WASHC3: variants seen among roughly 807,000 people sequenced by gnomAD.
The protein encoded by WASHC3 is WASH complex subunit CCDC53.
In WASHC3, 24 loss-of-function variants were observed where a neutral mutation model predicts 26.1. The ratio of observed to expected loss-of-function variants is 0.92; its 90% CI spans 0.66 to 1.29. The LOEUF (loss-of-function observed/expected upper bound fraction) is 1.29, where lower values mean the gene tolerates loss of function less well. WASHC3 is among the 50% of genes most tolerant of loss of function. The pLI, the probability that WASHC3 is intolerant of heterozygous loss-of-function variation, is 0.00. For synonymous variants in WASHC3, 77 were observed against 75.7 expected (o/e 1.02, Z -0.09); for missense variants, 214 against 229.6 (o/e 0.93, Z 0.44).
At chr12:102,059,474 G>C (rs1464576379) in intron 2 of WASHC3, among the ~76,000 whole-genome samples, 2 of 152,128 alleles carry the variant, frequency 1.3e-5, no homozygotes, top group African/African-American at 4.8e-5. Context: ...CAGAGAAGTT[G>C]AGACAGGAAC....
In WASHC3 at chr12:102,052,267, A is replaced by G. The variant is rs117528302; in HGVS notation, c.151-6148T>C. Among the ~76,000 whole-genome samples, 550 of 152,338 alleles carry G rather than the reference A, an allele frequency of 3.6e-3. 1 individual carries two copies. Among genetic ancestry groups the G allele is most frequent in the Non-Finnish European group, 6.6e-3 (448 of 68,020 alleles). Reference sequence around the variant, plus strand: ...CACAGCATGGAGAGAGATACCCTCCAGGTGGGCGAAGGAGAGGCAGTGAGC... The same window carrying G: ...CACAGCATGGAGAGAGATACCCTCCGGGTGGGCGAAGGAGAGGCAGTGAGC... On this transcript the variant is annotated intron_variant, in intron 2 of 6. Coordinates refer to ENST00000240079, the MANE Select transcript of WASHC3 (RefSeq NM_016053.4).
At chr12:102,050,097 G>A (rs1445683613) in intron 2 of WASHC3, 2 of 241,852 alleles carry the variant, frequency 8.3e-6, no homozygotes, top group African/African-American at 2.4e-5. Context: ...GCAGGCAGAT[G>A]AGCTCAGGAG....
intron 6 of WASHC3, among the ~76,000 whole-genome samples, chr12:102,023,218 T>G (rs1452747161): frequency 6.6e-6 from 1 of 152,146 alleles, no homozygotes; most frequent in Admixed American, 6.6e-5. Flanking sequence ...TGATTTAAAA[T>G]TATGTACTCT....
At position 102,052,689 on chromosome 12, in the gene WASHC3, T is replaced by C. The variant is rs181731926; in HGVS notation, c.151-6570A>G. Among the ~76,000 whole-genome samples, 12 of 151,946 alleles carry C rather than the reference T, an allele frequency of 7.9e-5. No individual in the cohort carries two copies. In the East Asian group the frequency reaches 2.1e-3, roughly 27 times the overall value. On this transcript the variant is annotated intron_variant, in intron 2 of 6. Transcript: ENST00000240079. The stretch of plus-strand genomic sequence containing the variant: ...CAGGCCTGACCAGTGCCAAGTCAGC[T>C]CCTGTGGCCCCAGTCTGGCTCCTGC...
At chr12:102,030,444 C>T (rs1488150733) in intron 5 of WASHC3, among the ~76,000 whole-genome samples, 1 of 151,790 alleles carries the variant, frequency 6.6e-6, no homozygotes, top group Non-Finnish European at 1.5e-5. Context: ...GCTCAATGAC[C>T]TTTTCTCCTC....
chr12:102,018,829 T>C (rs940725894), intron 6 of WASHC3, among the ~76,000 whole-genome samples: 22 of 152,186 alleles, frequency 1.4e-4, no homozygotes, highest in African/African-American at 5.3e-4. Context: ...TATTTATTTA[T>C]TTATTTAGTG....
chr12:102,020,061 G>A (rs1876885925), intron 6 of WASHC3, among the ~76,000 whole-genome samples: 1 of 152,222 alleles, frequency 6.6e-6, no homozygotes, highest in Non-Finnish European at 1.5e-5. Flanking sequence ...CTTGGAGAGA[G>A]AGAGAGATGG....
At chr12:102,053,946 G>A (rs1594371657) in intron 2 of WASHC3, among the ~76,000 whole-genome samples, 1 of 152,276 alleles carries the variant, frequency 6.6e-6, no homozygotes, top group South Asian at 2.1e-4. Context: ...AAAATCAAAA[G>A]CAAAATGTGG....
chr12:102,029,535 T>G, intron 5 of WASHC3, among the ~76,000 whole-genome samples: 1 of 152,238 alleles, frequency 6.6e-6, no homozygotes, highest in Non-Finnish European at 1.5e-5. Flanking sequence ...AATATTTACA[T>G]TTATTTCTTA....
chr12:102,036,841 T>G (rs970589280), intron 5 of WASHC3, among the ~76,000 whole-genome samples: 3 of 152,010 alleles, frequency 2.0e-5, no homozygotes, highest in Admixed American at 2.0e-4. Flanking sequence ...GCAGAAGAAA[T>G]TGAACCCCTA....
intron 6 of WASHC3, among the ~76,000 whole-genome samples, chr12:102,017,241 T>C (rs906795130): frequency 6.6e-6 from 1 of 152,108 alleles, no homozygotes; most frequent in Non-Finnish European, 1.5e-5. Context: ...TGTAGTACGC[T>C]ATACCATTTA....
chr12:102,057,515 T>A (rs1482364633), intron 2 of WASHC3, among the ~76,000 whole-genome samples: 1 of 151,940 alleles, frequency 6.6e-6, no homozygotes, highest in Non-Finnish European at 1.5e-5. Context: ...ATATTGAAAA[T>A]CTTATAAAAA....
chr12:102,029,628 A>G (rs1211536873), intron 5 of WASHC3, among the ~76,000 whole-genome samples: 1 of 152,222 alleles, frequency 6.6e-6, no homozygotes, highest in Admixed American at 6.5e-5. Flanking sequence ...GAAGGGGGAA[A>G]AACAACTTCA....
chr12:102,044,204 A>G lies in WASHC3; in HGVS notation c.225T>C (p.Ser75=). 6.3e-7 allele frequency: 1 copy of G among 1,582,546 alleles called. No homozygotes were observed. Among genetic ancestry groups the G allele is most frequent in the Non-Finnish European group, 8.6e-7 (1 of 1,158,274 alleles). The part of the protein sequence containing the change: ...TLNILDAKLS[S]IPGLDDVTVE... ...CTGTGACATCATCTAGGCCTGGGATAGATGACAACTGAGAAAAGAAAATTA... is the reference window on the plus strand; with the variant it reads ...CTGTGACATCATCTAGGCCTGGGATGGATGACAACTGAGAAAAGAAAATTA... Residue 75 remains serine, a synonymous_variant, in exon 4 of 7, where the codon TCT becomes TCC. Coordinates refer to ENST00000240079, the MANE Select transcript of WASHC3 (RefSeq NM_016053.4).
At chr12:102,029,397 G>A (rs950428547) in intron 5 of WASHC3, among the ~76,000 whole-genome samples, 3 of 152,150 alleles carry the variant, frequency 2.0e-5, no homozygotes, top group South Asian at 2.1e-4. Flanking sequence ...AAAAAATCAC[G>A]TCTGTATTTG....
intron 2 of WASHC3, among the ~76,000 whole-genome samples, chr12:102,046,593 C>T (rs1878177986): frequency 6.6e-6 from 1 of 152,126 alleles, no homozygotes; most frequent in African/African-American, 2.4e-5. Flanking sequence ...CACCCAGTCG[C>T]TTCTCAGTTA....
chr12:102,040,862 TA>T (rs2136668258), intron 4 of WASHC3, among the ~76,000 whole-genome samples: 1 of 152,164 alleles, frequency 6.6e-6, no homozygotes, highest in East Asian at 1.9e-4. Flanking sequence ...ATATAAGCAT[TA>T]AAAGAATTTC....
intron 2 of WASHC3, among the ~76,000 whole-genome samples, chr12:102,052,992 G>A (rs1283500820): frequency 6.6e-6 from 1 of 152,048 alleles, no homozygotes; most frequent in Non-Finnish European, 1.5e-5. Flanking sequence ...CAGGGTCTAG[G>A]TATGTTCCAG....
intron 2 of WASHC3, among the ~76,000 whole-genome samples, chr12:102,051,657 C>T (rs1878398216): frequency 6.6e-6 from 1 of 152,162 alleles, no homozygotes; most frequent in Non-Finnish European, 1.5e-5. Flanking sequence ...AGTGGGAATC[C>T]AGTTCTGCTA....
Sources: gnomAD v4.1 joint callset for allele counts (sites outside exome capture counted in the v4.1 genomes callset) on GRCh38, gnomAD v4.1.1 for gene constraint, MANE v1.5 for transcripts, NCBI Gene and HGNC (gene_info 2026-07-23, HGNC 2026-07-21) for gene names.